The following ADK variants were observed in gnomAD, a reference collection of about 807,000 sequenced individuals.
ADK encodes adenosine kinase, also known as N6,N6-dimethyladenosine kinase.
In ADK, 24 loss-of-function variants were observed where a neutral mutation model predicts 44.7. The ratio of observed to expected loss-of-function variants is 0.54; its 90% CI spans 0.39 to 0.76. The LOEUF is 0.76. ADK is among the 30% of genes least tolerant of loss of function. ADK has a pLI of 0.00. For synonymous variants in ADK, 128 were observed against 142.6 expected (o/e 0.90, Z 0.73); for missense variants, 321 against 425.1 (o/e 0.76, Z 2.15).
At chr10:74,597,663 A>G (rs1851968754) in intron 8 of ADK, among the ~76,000 whole-genome samples, 1 of 152,178 alleles carries the variant, frequency 6.6e-6, no homozygotes. Context: ...AAAACCACAG[A>G]AGTGATGTTC....
intron 9 of ADK, among the ~76,000 whole-genome samples, chr10:74,608,710 A>C (rs369062205): frequency 3.9e-5 from 6 of 152,266 alleles, no homozygotes; most frequent in African/African-American, 9.6e-5. Context: ...CATGGGGGTC[A>C]GGGACCCAGA....
chr10:74,644,950 CAT>C (rs1291606354), intron 9 of ADK, among the ~76,000 whole-genome samples: 4 of 152,280 alleles, frequency 2.6e-5, no homozygotes, highest in South Asian at 2.1e-4. Context: ...TCCAACTAGT[CAT>C]GTGGGAATTT....
chr10:74,242,694 C>T (rs1441155874), intron 3 of ADK, among the ~76,000 whole-genome samples: 1 of 152,166 alleles, frequency 6.6e-6, no homozygotes, highest in Non-Finnish European at 1.5e-5. Flanking sequence ...TTGGTTCTTT[C>T]TGAATAATGT....
chr10:74,287,260 C>T (rs1241782762), intron 3 of ADK, among the ~76,000 whole-genome samples: 1 of 152,016 alleles, frequency 6.6e-6, no homozygotes, highest in Non-Finnish European at 1.5e-5. Context: ...GTCAGGAGAT[C>T]AAGACCATCC....
At chr10:74,317,563 GAAAAAA>G (rs11310691) in intron 4 of ADK, among the ~76,000 whole-genome samples, 1 of 131,134 alleles carries the variant, frequency 7.6e-6, no homozygotes, top group Non-Finnish European at 1.6e-5. Context: ...CTGTCTCTAG[GAAAAAA>G]AAAAAAAAAA....
At chr10:74,539,018 T>C (rs564212001) in intron 7 of ADK, among the ~76,000 whole-genome samples, 72 of 152,314 alleles carry the variant, frequency 4.7e-4, no homozygotes, top group African/African-American at 1.7e-3. Flanking sequence ...ATTCTTCTTT[T>C]GGTTAAGAGC....
At chr10:74,338,666 A>T (rs1216775188) in intron 4 of ADK, among the ~76,000 whole-genome samples, 1 of 152,214 alleles carries the variant, frequency 6.6e-6, no homozygotes, top group Non-Finnish European at 1.5e-5. Context: ...AGCTAAACTC[A>T]AAGTGTTACA....
At position 74,171,041 on chromosome 10, in the gene ADK, T is replaced by C. The variant is rs541429078; in HGVS notation, c.65+19698T>C. On this transcript the variant is annotated intron_variant, in intron 1 of 10. Coordinates refer to ENST00000539909, the MANE Select transcript of ADK (RefSeq NM_006721.4). ...GTCAAGTTCATACTCTACTTCCTTT[T>C]GTTTTGCTTTTTTCATTTAACATTA... Among the ~76,000 whole-genome samples the C allele has an allele frequency of 4.0e-4, 61 of 152,260 alleles. 2 individuals are homozygous for C. The highest frequency in any genetic ancestry group is 1.4e-3 in the African/African-American group (60 of 41,574).
intron 6 of ADK, among the ~76,000 whole-genome samples, chr10:74,417,750 T>TA (rs796958998): frequency 0.061 from 8,580 of 141,754 alleles, 802 homozygotes; most frequent in African/African-American, 0.2. Flanking sequence ...AAATCTACTT[T>TA]AAAAAAAAAA....
At chr10:74,152,686 C>T (rs987602874) in intron 1 of ADK, among the ~76,000 whole-genome samples, 1 of 152,092 alleles carries the variant, frequency 6.6e-6, no homozygotes, top group African/African-American at 2.4e-5. Context: ...TCTTGTTGGA[C>T]AGTTCTGTGA....
At chr10:74,334,213 G>A (rs904723924) in intron 4 of ADK, among the ~76,000 whole-genome samples, 15 of 152,176 alleles carry the variant, frequency 9.9e-5, no homozygotes, top group Admixed American at 9.8e-4. Context: ...TGTTGACAGA[G>A]ACAGTTCTCC....
At chr10:74,321,536 T>G (rs1405239190) in intron 4 of ADK, among the ~76,000 whole-genome samples, 2 of 152,158 alleles carry the variant, frequency 1.3e-5, no homozygotes, top group Non-Finnish European at 2.9e-5. Context: ...CTCAAGACAT[T>G]AGCTTGGTCT....
At chr10:74,479,576 T>C (rs1846991419) in intron 6 of ADK, among the ~76,000 whole-genome samples, 1 of 152,098 alleles carries the variant, frequency 6.6e-6, no homozygotes, top group African/African-American at 2.4e-5. Flanking sequence ...GTCATGTTAT[T>C]CTATAATTAC....
chr10:74,476,790 G>T (rs1176766396), intron 6 of ADK, among the ~76,000 whole-genome samples: 2 of 152,090 alleles, frequency 1.3e-5, no homozygotes, highest in African/African-American at 2.4e-5. Flanking sequence ...CTCCTTTACG[G>T]TAGTTGGTCC....
At chr10:74,585,535 C>T (rs1851500530) in intron 7 of ADK, among the ~76,000 whole-genome samples, 1 of 152,084 alleles carries the variant, frequency 6.6e-6, no homozygotes, top group Non-Finnish European at 1.5e-5. Flanking sequence ...TTTAGTTTTG[C>T]TTTTGTTGCT....
At chr10:74,301,358 C>A (rs571931268) in intron 3 of ADK, among the ~76,000 whole-genome samples, 1 of 151,472 alleles carries the variant, frequency 6.6e-6, no homozygotes, top group African/African-American at 2.4e-5. Flanking sequence ...ACTAAAAATA[C>A]AAAAAATTAG....
chr10:74,360,473 G>A lies in ADK; in HGVS notation c.274-33668G>A, dbSNP rs1020082727. On this transcript the variant is annotated intron_variant, in intron 4 of 10. Transcript: ENST00000539909. ...CTGTTGGGATGATCTGTCCATTGCC[G>A]AAAGTAGGAAATTGAAATCCCCTAC... Among the ~76,000 whole-genome samples, 16 of 152,220 alleles carry A rather than the reference G, an allele frequency of 1.1e-4. No homozygotes were observed. The South Asian group carries it at 1.2e-3, about 12-fold the overall frequency.
chr10:74,599,231 T>C (rs187860426), intron 8 of ADK, among the ~76,000 whole-genome samples: 92 of 152,350 alleles, frequency 6.0e-4, no homozygotes, highest in African/African-American at 2.1e-3. Flanking sequence ...AGTCATCCTG[T>C]TAGGTATATT....
At chr10:74,662,984 T>C (rs1045618632) in intron 9 of ADK, among the ~76,000 whole-genome samples, 1 of 152,104 alleles carries the variant, frequency 6.6e-6, no homozygotes, top group Non-Finnish European at 1.5e-5. Context: ...ATCCCAGCAC[T>C]TTGGGAGGCC....
Sources: allele counts gnomAD v4.1 joint callset (sites outside exome capture counted in the v4.1 genomes callset), GRCh38; gene constraint gnomAD v4.1.1; transcripts MANE v1.5; gene names NCBI Gene and HGNC (gene_info 2026-07-23, HGNC 2026-07-21).